PEX5L: variants seen among roughly 807,000 people sequenced by gnomAD.
The protein encoded by PEX5L is peroxisomal biogenesis factor 5 like.
In PEX5L, 30 loss-of-function variants were observed where a neutral mutation model predicts 84.0. The ratio of observed to expected loss-of-function variants is 0.36; its 90% CI spans 0.27 to 0.48. The LOEUF is 0.48. PEX5L is among the 20% of genes least tolerant of loss of function. The pLI is 0.99. For missense variants in PEX5L, 533 were observed against 754.6 expected (o/e 0.71, Z 3.44); for synonymous variants, 270 against 283.1 (o/e 0.95, Z 0.46).
intron 2 of PEX5L, among the ~76,000 whole-genome samples, chr3:179,963,949 C>T (rs1332578649): frequency 6.6e-6 from 1 of 151,950 alleles, no homozygotes; most frequent in East Asian, 1.9e-4. Context: ...ATTCCAAGGA[C>T]ATCTTTTTTT....
chr3:179,918,912 G>T (rs1768239102), intron 2 of PEX5L, among the ~76,000 whole-genome samples: 1 of 152,146 alleles, frequency 6.6e-6, no homozygotes, highest in Admixed American at 6.5e-5. Flanking sequence ...GGTTCTTACG[G>T]AATGAAAAGA....
At chr3:179,880,920 G>A (rs1198735144) in intron 4 of PEX5L, 4 of 152,220 alleles carry the variant, frequency 2.6e-5, no homozygotes, top group African/African-American at 9.7e-5. Context: ...AGCTCATTGT[G>A]AGAGATAGAA....
Position 179,797,630 on chromosome 3 carries a change from A to ATC in PEX5L, c.*4196_*4197dup. The ATC allele has an allele frequency of 1.4e-5, 2 of 144,280 alleles. No individual in the cohort carries two copies. The highest frequency in any genetic ancestry group is 2.2e-4 in the South Asian group (1 of 4,588). The allele number at this position is 144,280 out of a possible 1,614,324, so 8.9% of individuals were successfully genotyped here. A position where few individuals can be genotyped will look rare whatever the true frequency, so the allele number is the denominator to read the frequency against. ...AATATATATATATATATATATATATATCTACTTCTTAGTTCAAAACAGTTT... is the reference window on the plus strand; with the variant it reads ...AATATATATATATATATATATATATATCTCTACTTCTTAGTTCAAAACAGTTT... On this transcript the variant is annotated 3_prime_UTR_variant, in exon 15 of 15. Transcript: ENST00000467460.
chr3:179,879,390 C>A (rs143102873), intron 5 of PEX5L, among the ~76,000 whole-genome samples: 2 of 152,214 alleles, frequency 1.3e-5, no homozygotes, highest in African/African-American at 2.4e-5. Context: ...AATTTTGAAA[C>A]TTGGTTCCTC....
At chr3:180,023,271 T>G (rs759103782) in intron 1 of PEX5L, among the ~76,000 whole-genome samples, 2 of 152,214 alleles carry the variant, frequency 1.3e-5, no homozygotes, top group Non-Finnish European at 2.9e-5. Context: ...CTCTAAAGAT[T>G]AACTTTTACG....
intron 1 of PEX5L, among the ~76,000 whole-genome samples, chr3:180,011,536 C>T (rs1043454517): frequency 1.3e-5 from 2 of 152,244 alleles, no homozygotes; most frequent in South Asian, 2.1e-4. Context: ...TAACCTTATC[C>T]GTCTTCTCCA....
chr3:179,926,006 G>A (rs1771336991), intron 2 of PEX5L, among the ~76,000 whole-genome samples: 1 of 151,852 alleles, frequency 6.6e-6, no homozygotes, highest in Non-Finnish European at 1.5e-5. Flanking sequence ...CCCTCCAAAT[G>A]TTTCTCCTGA....
At chr3:179,901,195 TG>T (rs1761208887) in intron 2 of PEX5L, among the ~76,000 whole-genome samples, 1 of 150,776 alleles carries the variant, frequency 6.6e-6, no homozygotes, top group Non-Finnish European at 1.5e-5. Flanking sequence ...CTTAAAACAT[TG>T]TAAGATATAT....
At chr3:179,862,993 T>C (rs994130439) in intron 7 of PEX5L, among the ~76,000 whole-genome samples, 14 of 152,138 alleles carry the variant, frequency 9.2e-5, no homozygotes, top group African/African-American at 4.8e-5. Flanking sequence ...AACAGGCATA[T>C]AGACCAATGG....
chr3:179,870,623 A>G (rs902541224), intron 7 of PEX5L, among the ~76,000 whole-genome samples: 3 of 152,140 alleles, frequency 2.0e-5, no homozygotes, highest in African/African-American at 7.2e-5. Flanking sequence ...CCTAAAAATA[A>G]TTTACTCTTC....
Position 179,946,838 on chromosome 3 carries a change from G to C in PEX5L, c.93+24756C>G, listed in dbSNP as rs923436904. On this transcript the variant is annotated intron_variant, in intron 2 of 14. Coordinates refer to ENST00000467460, the MANE Select transcript of PEX5L (RefSeq NM_016559.3). The stretch of plus-strand genomic sequence containing the variant: ...CAGTTAGTGGAGGCAGCTTTTTCCA[G>C]TTTGGGTGGACCAACAGTCCACCTC... 4.6e-5 allele frequency among the ~76,000 whole-genome samples: 7 copies of C among 152,340 alleles called. No homozygotes were observed. The East Asian group carries it at 1.2e-3, about 25-fold the overall frequency.
intron 2 of PEX5L, among the ~76,000 whole-genome samples, chr3:179,912,031 T>C (rs765823560): frequency 2.6e-5 from 4 of 152,186 alleles, no homozygotes; most frequent in Non-Finnish European, 4.4e-5. Context: ...GTTTCCAATT[T>C]GGAAAGACTA....
chr3:180,011,534 T>G (rs1476194097), intron 1 of PEX5L, among the ~76,000 whole-genome samples: 1 of 152,200 alleles, frequency 6.6e-6, no homozygotes, highest in African/African-American at 2.4e-5. Context: ...TGTAACCTTA[T>G]CCGTCTTCTC....
chr3:179,950,373 G>T (rs1041187739), intron 2 of PEX5L, among the ~76,000 whole-genome samples: 6 of 151,860 alleles, frequency 4.0e-5, no homozygotes, highest in South Asian at 2.1e-4. Context: ...GTGAGGGGAG[G>T]GGGTGGGGAG....
intron 8 of PEX5L, among the ~76,000 whole-genome samples, chr3:179,843,312 C>G (rs955072072): frequency 2.6e-5 from 4 of 152,118 alleles, no homozygotes; most frequent in Non-Finnish European, 5.9e-5. Context: ...AACCAGGACC[C>G]AACTAAATCA....
chr3:179,804,503 A>AT (rs1560151380), intron 14 of PEX5L: 2 of 152,282 alleles, frequency 1.3e-5, no homozygotes, highest in South Asian at 2.1e-4. Context: ...CTGGAGCTCT[A>AT]TTGACAAAGG....
chr3:179,839,347 C>T (rs1274120944), intron 8 of PEX5L, among the ~76,000 whole-genome samples: 2 of 152,040 alleles, frequency 1.3e-5, no homozygotes, highest in Non-Finnish European at 2.9e-5. Flanking sequence ...ACAAAAATAC[C>T]CACTGTATTC....
intron 1 of PEX5L, among the ~76,000 whole-genome samples, chr3:179,988,172 G>A (rs1251777925): frequency 6.6e-6 from 1 of 152,042 alleles, no homozygotes; most frequent in Non-Finnish European, 1.5e-5. Flanking sequence ...GGCCAAGGTG[G>A]GTGGATCACC....
intron 1 of PEX5L, among the ~76,000 whole-genome samples, chr3:180,020,309 G>T (rs1473274931): frequency 6.6e-6 from 1 of 151,638 alleles, no homozygotes; most frequent in Non-Finnish European, 1.5e-5. Context: ...TATAACATTG[G>T]TCTAATTTTA....
Sources: gnomAD v4.1 joint callset for allele counts (sites outside exome capture counted in the v4.1 genomes callset) on GRCh38, gnomAD v4.1.1 for gene constraint, MANE v1.5 for transcripts, NCBI Gene and HGNC (gene_info 2026-07-23, HGNC 2026-07-21) for gene names.